Variants in CTNNA2 observed in about 807,000 individuals in gnomAD.
CTNNA2 encodes catenin alpha 2.
Under a neutral mutation model 101.0 loss-of-function variants are expected in CTNNA2, and 42 were observed. The ratio of observed to expected loss-of-function variants is 0.42; its 90% CI spans 0.32 to 0.54. The LOEUF is 0.54. Ranked by LOEUF, CTNNA2 falls within the 20% of genes least tolerant of loss-of-function variation. The pLI is 0.14. For synonymous variants in CTNNA2, 450 were observed against 456.4 expected (o/e 0.99, Z 0.18); for missense variants, 871 against 1,223.1 (o/e 0.71, Z 4.29).
chr2:80,188,427 T>C (rs1706268679), intron 7 of CTNNA2, among the ~76,000 whole-genome samples: 1 of 152,206 alleles, frequency 6.6e-6, no homozygotes, highest in African/African-American at 2.4e-5. Flanking sequence ...AGTTTTCTAT[T>C]GCTGCTGTAA....
chr2:80,616,962 G>T (rs1044641541), intron 17 of CTNNA2, among the ~76,000 whole-genome samples: 5 of 151,782 alleles, frequency 3.3e-5, no homozygotes, highest in African/African-American at 1.2e-4. Flanking sequence ...TTTCCAAAGA[G>T]ACAATAGGCA....
chr2:79,205,114 T>C (rs1034330660), intron 2 of CTNNA2, among the ~76,000 whole-genome samples: 1 of 152,212 alleles, frequency 6.6e-6, no homozygotes, highest in Non-Finnish European at 1.5e-5. Context: ...AGGTGTTGGG[T>C]CATAGAAGGT....
chr2:79,346,098 T>C (rs1677258211), intron 3 of CTNNA2, among the ~76,000 whole-genome samples: 1 of 152,176 alleles, frequency 6.6e-6, no homozygotes, highest in Non-Finnish European at 1.5e-5. Flanking sequence ...CTATTAAAGT[T>C]GGTCAGACTA....
At chr2:79,713,553 A>G (rs77791060) in intron 2 of CTNNA2, among the ~76,000 whole-genome samples, 2 of 152,158 alleles carry the variant, frequency 1.3e-5, no homozygotes, top group East Asian at 1.9e-4. Flanking sequence ...CCTCATGGGA[A>G]TTACATCACT....
intron 7 of CTNNA2, among the ~76,000 whole-genome samples, chr2:80,322,982 A>G (rs566457737): frequency 6.6e-6 from 1 of 152,324 alleles, no homozygotes; most frequent in African/African-American, 2.4e-5. Context: ...AAAAGGGAGA[A>G]CGGGTATTAA....
intron 2 of CTNNA2, among the ~76,000 whole-genome samples, chr2:79,200,476 T>A (rs1425821987): frequency 6.6e-6 from 1 of 152,060 alleles, no homozygotes; most frequent in Non-Finnish European, 1.5e-5. Flanking sequence ...TTTACACTTT[T>A]GGGGTTCCAT....
chr2:79,586,516 TC>T (rs1676498017), intron 1 of CTNNA2, among the ~76,000 whole-genome samples: 1 of 69,864 alleles, frequency 1.4e-5, no homozygotes, highest in Non-Finnish European at 3.7e-5. Context: ...GGTTTTCTTT[TC>T]TTTTCTTTTC....
intron 3 of CTNNA2, among the ~76,000 whole-genome samples, chr2:79,802,760 C>T (rs1679820772): frequency 6.6e-6 from 1 of 152,212 alleles, no homozygotes; most frequent in Non-Finnish European, 1.5e-5. Flanking sequence ...TAAAATGTCT[C>T]AGTTACATGC....
chr2:80,377,255 T>C (rs139668490), intron 7 of CTNNA2, among the ~76,000 whole-genome samples: 1 of 152,344 alleles, frequency 6.6e-6, no homozygotes, highest in East Asian at 1.9e-4. Context: ...AATCCATCTG[T>C]CTTCCATTTA....
chr2:80,041,381 G>T (rs1446040215), intron 7 of CTNNA2, among the ~76,000 whole-genome samples: 1 of 151,940 alleles, frequency 6.6e-6, no homozygotes, highest in East Asian at 1.9e-4. Flanking sequence ...TAAGAAATAG[G>T]CTATTTAATG....
intron 7 of CTNNA2, among the ~76,000 whole-genome samples, chr2:80,072,170 C>T (rs2148781284): frequency 6.6e-6 from 1 of 152,300 alleles, no homozygotes; most frequent in South Asian, 2.1e-4. Context: ...AATCTAGCTC[C>T]ATCTGCCCCT....
chr2:79,876,621 CAA>C (rs542093441), intron 6 of CTNNA2, among the ~76,000 whole-genome samples: 43 of 152,290 alleles, frequency 2.8e-4, no homozygotes, highest in African/African-American at 1.0e-3. Flanking sequence ...ACCTTCTGTC[CAA>C]GAGTGTGACA....
chr2:80,602,986 T>C (rs1697683366), intron 15 of CTNNA2, among the ~76,000 whole-genome samples: 1 of 152,094 alleles, frequency 6.6e-6, no homozygotes, highest in African/African-American at 2.4e-5. Context: ...GTCTTCTATT[T>C]TATAAAATGT....
chr2:79,390,252 A>T (rs1008308332), intron 4 of CTNNA2, among the ~76,000 whole-genome samples: 2 of 152,204 alleles, frequency 1.3e-5, no homozygotes, highest in Non-Finnish European at 2.9e-5. Context: ...ATAGCAATAA[A>T]CAAACAACTA....
chr2:80,030,104 G>A (rs141883428), intron 7 of CTNNA2, among the ~76,000 whole-genome samples: 23 of 152,154 alleles, frequency 1.5e-4, no homozygotes, highest in African/African-American at 5.1e-4. Context: ...AGGCATCTAA[G>A]TGGAAAACAG....
intron 1 of CTNNA2, among the ~76,000 whole-genome samples, chr2:79,643,956 C>T (rs1680623831): frequency 6.6e-6 from 1 of 152,078 alleles, no homozygotes; most frequent in African/African-American, 2.4e-5. Flanking sequence ...TTCCCTTAGC[C>T]CTACCCGTCT....
intron 7 of CTNNA2, among the ~76,000 whole-genome samples, chr2:80,004,648 C>G (rs1334220179): frequency 6.6e-6 from 1 of 151,536 alleles, no homozygotes; most frequent in Non-Finnish European, 1.5e-5. Flanking sequence ...GGAGCAGAGG[C>G]AGCATTTATT....
chr2:80,601,204 T>C (rs1018532971), intron 15 of CTNNA2, among the ~76,000 whole-genome samples: 4 of 152,126 alleles, frequency 2.6e-5, no homozygotes, highest in African/African-American at 9.7e-5. Context: ...TTTTTTCTTC[T>C]TTTTGTCTGT....
At chr2:80,152,487 G>A (rs1240657526) in intron 7 of CTNNA2, among the ~76,000 whole-genome samples, 1 of 152,122 alleles carries the variant, frequency 6.6e-6, no homozygotes, top group Non-Finnish European at 1.5e-5. Flanking sequence ...ATGCCAAGCT[G>A]TAGGATTCCA....
Sources: allele counts gnomAD v4.1 joint callset (sites outside exome capture counted in the v4.1 genomes callset), GRCh38; gene constraint gnomAD v4.1.1; transcripts MANE v1.5; gene names NCBI Gene and HGNC (gene_info 2026-07-23, HGNC 2026-07-21).